DHX9: variants seen among roughly 807,000 people sequenced by gnomAD.
DHX9 encodes the protein DExH-box helicase 9.
Under a neutral mutation model 148.7 loss-of-function variants are expected in DHX9, and 27 were observed. The ratio of observed to expected loss-of-function variants is 0.18; its 90% CI spans 0.13 to 0.25. The LOEUF is 0.25. Among genes scored for constraint, DHX9 ranks in the 10% least tolerant of loss-of-function variants. DHX9 has a pLI of 1.00. For missense variants in DHX9, 796 were observed against 1,559.6 expected, an observed-to-expected ratio of 0.51 and a Z score of 8.25; for synonymous variants, 529 against 516.6, an observed-to-expected ratio of 1.02 and a Z score of -0.33.
intron 6 of DHX9, chr1:182,855,525 A>G: frequency 1.0e-6 from 1 of 985,078 alleles, no homozygotes; most frequent in Non-Finnish European, 1.2e-6. Flanking sequence ...GAACTAAGCA[A>G]TCACATGGGA....
chr1:182,866,956 T>A lies in DHX9; in HGVS notation c.1475-5T>A. 6.2e-7 allele frequency: 1 copy of A among 1,602,406 alleles called. No homozygotes were observed. The highest frequency in any genetic ancestry group is 8.5e-7 in the Non-Finnish European group (1 of 1,176,614). The stretch of plus-strand genomic sequence containing the variant: ...TATAGTTTATTGATTGTTTTTCTTT[T>A]CAAGGTGTGCTCCTGAGAAAATTAG... On this transcript the variant is annotated splice_region_variant and splice_polypyrimidine_tract_variant and intron_variant, in intron 13 of 27. Coordinates refer to ENST00000367549, the MANE Select transcript of DHX9 (RefSeq NM_001357.5).
At chr1:182,863,351 A>G (rs1648074659) in intron 12 of DHX9, among the ~76,000 whole-genome samples, 1 of 152,216 alleles carries the variant, frequency 6.6e-6, no homozygotes, top group South Asian at 2.1e-4. Context: ...ATGCAGCAGG[A>G]AAAGATTTTA....
At chr1:182,844,483 G>C (rs1667990171) in intron 3 of DHX9, among the ~76,000 whole-genome samples, 1 of 152,176 alleles carries the variant, frequency 6.6e-6, no homozygotes, top group African/African-American at 2.4e-5. Flanking sequence ...AGCTGGGACT[G>C]TGGGTGTGTG....
rs1369883336 is a variant in DHX9 at position 182,887,286 on chromosome 1, C to T, written c.3665C>T (p.Ser1222Phe). 6.2e-7 allele frequency: 1 copy of T among 1,614,052 alleles called. No individual in the cohort carries two copies. Among genetic ancestry groups the T allele is most frequent in the Non-Finnish European group, 8.5e-7 (1 of 1,180,020 alleles). Residue 1222 changes from serine (S) to phenylalanine (F), a missense_variant, in exon 28 of 28, where the codon TCC becomes TTC. Physicochemically the swap from Ser to Phe is radical, Grantham distance 155. Coordinates refer to ENST00000367549, the MANE Select transcript of DHX9 (RefSeq NM_001357.5). ...GTTGGTGGAGGCTATAGAGGAGTTT[C>T]CCGAGGTGGCTTTAGAGGCAACTCT... ...AGVGGGYRGVSRGGFRGNSGG... is the reference protein window; with the variant it reads ...AGVGGGYRGVFRGGFRGNSGG...
At chr1:182,842,760 G>A (rs1667954914) in intron 2 of DHX9, 83 bp downstream of exon 2, 1 of 1,066,376 alleles carries the variant, frequency 9.4e-7, no homozygotes, top group African/African-American at 1.6e-5. Flanking sequence ...GTTTGGAGAT[G>A]TTAATGTGTT....
chr1:182,846,082 C>T (rs77534215), intron 3 of DHX9, among the ~76,000 whole-genome samples: 5,984 of 152,250 alleles, frequency 0.039, 184 homozygotes, highest in Non-Finnish European at 0.061. Flanking sequence ...TCTAATCTTT[C>T]CTTGGTGGTT....
chr1:182,869,958 A>G (rs1240264725), intron 14 of DHX9, among the ~76,000 whole-genome samples: 1 of 152,222 alleles, frequency 6.6e-6, no homozygotes, highest in Non-Finnish European at 1.5e-5. Flanking sequence ...GTCACCTTAC[A>G]TAGAAAACCC....
At chr1:182,865,990 T>C (rs1341782914) in intron 12 of DHX9, among the ~76,000 whole-genome samples, 1 of 152,220 alleles carries the variant, frequency 6.6e-6, no homozygotes, top group Non-Finnish European at 1.5e-5. Context: ...CTCTGGCACC[T>C]GATGCAAAAG....
rs1649396210 is a variant in DHX9, at chr1:182,887,629, C to T, written c.*195C>T. ...TTTGTTTATATTATGTAAAATATAA[C>T]GATCTCTTAAAAATACCACAGTTTG... On this transcript the variant is annotated 3_prime_UTR_variant, in exon 28 of 28. Coordinates refer to ENST00000367549, the MANE Select transcript of DHX9 (RefSeq NM_001357.5). The T allele has an allele frequency of 7.5e-6, 4 of 534,830 alleles. No homozygotes were observed. The highest frequency in any genetic ancestry group is 3.2e-5 in the Admixed American group (1 of 30,816). 33.1% of individuals were successfully genotyped at this position (534,830 alleles called of 1,614,324 possible). A position where few individuals can be genotyped will look rare whatever the true frequency, so the allele number is the denominator to read the frequency against.
chr1:182,854,259 T>C, intron 6 of DHX9, 81 bp downstream of exon 6: 8 of 1,312,908 alleles, frequency 6.1e-6, no homozygotes, highest in Non-Finnish European at 8.3e-6. Context: ...TCTATTTTTG[T>C]ACGTTGTCTG....
chr1:182,846,072 T>C (rs1668023243), intron 3 of DHX9, among the ~76,000 whole-genome samples: 1 of 152,168 alleles, frequency 6.6e-6, no homozygotes, highest in African/African-American at 2.4e-5. Flanking sequence ...GTTTCAGCCC[T>C]CTAATCTTTC....
chr1:182,886,037 G>A (rs1035420649), intron 27 of DHX9, among the ~76,000 whole-genome samples: 11 of 152,184 alleles, frequency 7.2e-5, no homozygotes, highest in Non-Finnish European at 1.5e-4. Context: ...TTAAATTACA[G>A]TAGTAGAATT....
chr1:182,845,781 G>A (rs982912996), intron 3 of DHX9, among the ~76,000 whole-genome samples: 1 of 152,152 alleles, frequency 6.6e-6, no homozygotes, highest in Admixed American at 6.5e-5. Context: ...CAGAACTCAG[G>A]AAAACCTACA....
chr1:182,849,797 C>T (rs557886923), intron 3 of DHX9, among the ~76,000 whole-genome samples: 22 of 152,008 alleles, frequency 1.4e-4, no homozygotes, highest in African/African-American at 4.6e-4. Context: ...CTACATATAT[C>T]TTCCCTTTTT....
At chr1:182,849,548 G>A (rs1223441427) in intron 3 of DHX9, among the ~76,000 whole-genome samples, 9 of 152,174 alleles carry the variant, frequency 5.9e-5, no homozygotes, top group African/African-American at 2.2e-4. Context: ...TGTTGATGGC[G>A]TCTAGTGGGT....
chr1:182,881,537 C>A lies in DHX9; in HGVS notation c.2804C>A (p.Ala935Glu), dbSNP rs1382443879. The A allele has an allele frequency of 1.2e-6, 2 of 1,611,990 alleles. No homozygotes were observed. Among genetic ancestry groups the A allele is most frequent in the Non-Finnish European group, 1.7e-6 (2 of 1,179,376 alleles). ...TATTTTAGAATGGGTGGAGAAGAAG[C>A]AGAGATACGTTTTTGTGAGCACAAA... Reference protein sequence around the residue: ...WDDARMGGEEAEIRFCEHKRL... With the variant: ...WDDARMGGEEEEIRFCEHKRL... The change falls in exon 24 of 28, where the codon GCA becomes GAA. Residue 935 changes from alanine to glutamate, a missense_variant. By Grantham distance (107) the Ala-to-Glu change is moderately radical. Coordinates refer to ENST00000367549, the MANE Select transcript of DHX9 (RefSeq NM_001357.5).
chr1:182,853,221 G>A (rs1370369529), intron 4 of DHX9, 85 bp from the exon 5 acceptor site: 7 of 962,556 alleles, frequency 7.3e-6, no homozygotes, highest in South Asian at 1.5e-5. Context: ...CTCCATGCCC[G>A]GCCATAAATT....
intron 3 of DHX9, among the ~76,000 whole-genome samples, chr1:182,847,036 T>C (rs1446472636): frequency 6.6e-6 from 1 of 152,196 alleles, no homozygotes; most frequent in Non-Finnish European, 1.5e-5. Context: ...CCTTTTTCAC[T>C]TTTAAAATCT....
At chr1:182,876,730 TC>T in intron 18 of DHX9, 99 bp from the exon 19 acceptor site, 1 of 973,104 alleles carries the variant, frequency 1.0e-6, no homozygotes, top group Non-Finnish European at 1.6e-6. Flanking sequence ...TTTTAGGACT[TC>T]TGTAATTTTC....
Sources: allele counts gnomAD v4.1 joint callset (sites outside exome capture counted in the v4.1 genomes callset), GRCh38; gene constraint gnomAD v4.1.1; transcripts MANE v1.5; gene names NCBI Gene and HGNC (gene_info 2026-07-23, HGNC 2026-07-21).